The following GABRG3 variants were observed in gnomAD, a reference collection of about 807,000 sequenced individuals.
GABRG3 encodes gamma-aminobutyric acid type A receptor subunit gamma3, also known as gamma-aminobutyric acid receptor subunit gamma-3.
Under a neutral mutation model 48.8 loss-of-function variants are expected in GABRG3, and 25 were observed. The ratio of observed to expected loss-of-function variants is 0.51; its 90% CI spans 0.37 to 0.72. The LOEUF (loss-of-function observed/expected upper bound fraction) is 0.72. Among genes scored for constraint, GABRG3 ranks in the 30% least tolerant of loss-of-function variants. The probability of loss-of-function intolerance (pLI) is 0.00; values close to 1 mark genes in which losing one functional copy is unlikely to be tolerated. For synonymous variants in GABRG3, 227 were observed against 217.6 expected, an observed-to-expected ratio of 1.04 and a Z score of -0.38; for missense variants, 394 against 577.9, an observed-to-expected ratio of 0.68 and a Z score of 3.26.
intron 2 of GABRG3, among the ~76,000 whole-genome samples, chr15:26,992,433 T>G (rs1439023092): frequency 1.3e-5 from 2 of 152,212 alleles, no homozygotes; most frequent in Admixed American, 1.3e-4. Flanking sequence ...AGGGTTATCA[T>G]GTAGTGATAT....
At chr15:27,306,143 CAT>C (rs543373883) in intron 3 of GABRG3, among the ~76,000 whole-genome samples, 2 of 119,308 alleles carry the variant, frequency 1.7e-5, no homozygotes, top group African/African-American at 3.4e-5. Flanking sequence ...TATATATAAA[CAT>C]ATATAATATA....
intron 5 of GABRG3, among the ~76,000 whole-genome samples, chr15:27,372,347 C>T (rs182554565): frequency 6.6e-6 from 1 of 152,154 alleles, no homozygotes; most frequent in African/African-American, 2.4e-5. Context: ...CTGCTTACAG[C>T]CATAGAACAC....
chr15:27,093,707 G>A (rs907778086), intron 3 of GABRG3, among the ~76,000 whole-genome samples: 1 of 152,162 alleles, frequency 6.6e-6, no homozygotes, highest in African/African-American at 2.4e-5. Flanking sequence ...ACTCAAGATA[G>A]AAACCCAATT....
chr15:27,475,797 A>G (rs550435616), intron 5 of GABRG3, among the ~76,000 whole-genome samples: 3 of 151,566 alleles, frequency 2.0e-5, no homozygotes, highest in Admixed American at 6.6e-5. Context: ...GGTGATGGTG[A>G]TGATGGTAAT....
chr15:27,136,594 C>T (rs972658202), intron 3 of GABRG3, among the ~76,000 whole-genome samples: 2 of 152,082 alleles, frequency 1.3e-5, no homozygotes, highest in African/African-American at 2.4e-5. Flanking sequence ...AGTGGATGAT[C>T]TCCCGTAATG....
chr15:27,201,590 C>T (rs971052822), intron 3 of GABRG3, among the ~76,000 whole-genome samples: 1 of 137,744 alleles, frequency 7.3e-6, no homozygotes, highest in Admixed American at 6.9e-5. Context: ...ACCTTGAGAG[C>T]TGGATTAGTC....
chr15:27,165,582 CCCAAG>C (rs1887345047), intron 3 of GABRG3, among the ~76,000 whole-genome samples: 1 of 152,042 alleles, frequency 6.6e-6, no homozygotes. Context: ...TCTTCAATCT[CCCAAG>C]TGCATCATTT....
chr15:27,412,273 A>T (rs1012490990), intron 5 of GABRG3, among the ~76,000 whole-genome samples: 1 of 152,148 alleles, frequency 6.6e-6, no homozygotes. Context: ...GGACACTGAT[A>T]GAGTCAAGAC....
At chr15:27,081,650 AG>A (rs1896994370) in intron 3 of GABRG3, among the ~76,000 whole-genome samples, 1 of 152,148 alleles carries the variant, frequency 6.6e-6, no homozygotes, top group Non-Finnish European at 1.5e-5. Context: ...CCAGGAGGGA[AG>A]GGAGCTGGAG....
At chr15:26,998,891 C>T (rs1444440565) in intron 2 of GABRG3, among the ~76,000 whole-genome samples, 1 of 151,754 alleles carries the variant, frequency 6.6e-6, no homozygotes, top group East Asian at 1.9e-4. Context: ...TGCTGTATAC[C>T]CTTAAAACAA....
chr15:27,183,148 C>T (rs960077977), intron 3 of GABRG3, among the ~76,000 whole-genome samples: 2 of 151,410 alleles, frequency 1.3e-5, no homozygotes, highest in South Asian at 2.1e-4. Context: ...GAACAGGCAG[C>T]GAAATAATCA....
Position 27,526,152 on chromosome 15 carries a change from C to T in GABRG3, c.866-1281C>T, listed in dbSNP as rs1474662979. ...GTAAGTGACTCCTCATGGCCAAATG[C>T]TGAGAAGGCCCAGAGCAAGGTGGAG... On this transcript the variant is annotated intron_variant, in intron 7 of 9. Transcript: ENST00000615808. Among the ~76,000 whole-genome samples, 3 of 152,134 alleles carry T rather than the reference C, an allele frequency of 2.0e-5. No individual in the cohort carries two copies. The East Asian group carries it at 5.8e-4, about 29-fold the overall frequency.
intron 5 of GABRG3, among the ~76,000 whole-genome samples, chr15:27,395,475 C>T (rs1182298664): frequency 6.6e-6 from 1 of 152,148 alleles, no homozygotes; most frequent in African/African-American, 2.4e-5. Flanking sequence ...GCTAACACTA[C>T]CTAATTTTAC....
chr15:27,204,069 G>A lies in GABRG3; in HGVS notation c.271-122740G>A, dbSNP rs981276058. Among the ~76,000 whole-genome samples, 4 of 152,078 alleles carry A rather than the reference G, an allele frequency of 2.6e-5. No individual in the cohort carries two copies. In the East Asian group the frequency reaches 5.8e-4, roughly 22 times the overall value. On this transcript the variant is annotated intron_variant, in intron 3 of 9. Transcript: ENST00000615808. ...TCTTTAGTTTAATTAAGTCTCACTT[G>A]TCAATATTTTTGTCGGAATTGCTTT...
At chr15:27,188,967 C>A (rs1888198589) in intron 3 of GABRG3, among the ~76,000 whole-genome samples, 1 of 151,966 alleles carries the variant, frequency 6.6e-6, no homozygotes. Context: ...TTTCCCAGCA[C>A]CATTTATTGA....
At chr15:27,452,930 C>T (rs577951563) in intron 5 of GABRG3, among the ~76,000 whole-genome samples, 8 of 152,144 alleles carry the variant, frequency 5.3e-5, no homozygotes, top group Non-Finnish European at 1.0e-4. Context: ...AATGTCTATG[C>T]ACACACAGAC....
intron 3 of GABRG3, among the ~76,000 whole-genome samples, chr15:27,249,259 A>G (rs1890377303): frequency 6.6e-6 from 1 of 152,098 alleles, no homozygotes; most frequent in South Asian, 2.1e-4. Flanking sequence ...CAGGCCAAGG[A>G]CCAAAACCAG....
rs1267984529 is a variant in GABRG3 at position 27,538,234 on chromosome 15, C to T, written c.*5353C>T. The T allele has an allele frequency of 6.6e-6, 1 of 152,028 alleles. No individual in the cohort carries two copies. Among genetic ancestry groups the T allele is most frequent in the Non-Finnish European group, 1.5e-5 (1 of 68,024 alleles). The allele number at this position is 152,028 out of a possible 1,614,324, so 9.4% of individuals were successfully genotyped here. A position where few individuals can be genotyped will look rare whatever the true frequency, so the allele number is the denominator to read the frequency against. On this transcript the variant is annotated 3_prime_UTR_variant, in exon 10 of 10. Transcript: ENST00000615808. ...CTTATACCTTTTATTGTCCTGCTTA[C>T]TTATAAAAGCCAAATTTTAGGCGAA...
At chr15:27,256,052 G>A (rs1890600730) in intron 3 of GABRG3, among the ~76,000 whole-genome samples, 1 of 152,124 alleles carries the variant, frequency 6.6e-6, no homozygotes, top group Admixed American at 6.5e-5. Flanking sequence ...TTTTGGGATG[G>A]GGAGGTTATA....
Sources: allele counts gnomAD v4.1 joint callset (sites outside exome capture counted in the v4.1 genomes callset), GRCh38; gene constraint gnomAD v4.1.1; transcripts MANE v1.5; gene names NCBI Gene and HGNC (gene_info 2026-07-23, HGNC 2026-07-21).